Variants in RRP1B observed in about 807,000 individuals in gnomAD.
RRP1B encodes ribosomal RNA processing 1B, also known as ribosomal RNA processing protein 1 homolog B.
Under a neutral mutation model 80.2 loss-of-function variants are expected in RRP1B, and 56 were observed. The ratio of observed to expected loss-of-function variants is 0.70; its 90% CI spans 0.56 to 0.87. The LOEUF is 0.87. RRP1B is among the 40% of genes least tolerant of loss of function. The pLI is 0.00. For synonymous variants in RRP1B, 351 were observed against 357.6 expected, an observed-to-expected ratio of 0.98 and a Z score of 0.21; for missense variants, 807 against 939.8, an observed-to-expected ratio of 0.86 and a Z score of 1.85.
At chr21:43,668,659 G>A (rs1030807917) in intron 1 of RRP1B, among the ~76,000 whole-genome samples, 2 of 152,050 alleles carry the variant, frequency 1.3e-5, no homozygotes, top group Non-Finnish European at 2.9e-5. Flanking sequence ...ATGAGCCACC[G>A]CGTCTGGCCC....
Position 43,686,741 on chromosome 21 carries a change from A to G in RRP1B, c.1010-63A>G, listed in dbSNP as rs2083064592. 3.1e-6 allele frequency: 5 copies of G among 1,595,370 alleles called. No homozygotes were observed. The Admixed American group carries it at 6.9e-5, about 22-fold the overall frequency. ...AGAAATTGGGAGGGGTGCTGCTCTT[A>G]GGCCCCTGGGGCAGAGTCTTGAGCG... On this transcript the variant is annotated intron_variant, in intron 11 of 15. Coordinates refer to ENST00000340648, the MANE Select transcript of RRP1B (RefSeq NM_015056.3).
In RRP1B at chr21:43,693,497, C is replaced by A; in HGVS notation, c.*114C>A. The A allele has an allele frequency of 8.8e-7, 1 of 1,136,508 alleles. No individual in the cohort carries two copies. Among genetic ancestry groups the A allele is most frequent in the Non-Finnish European group, 1.2e-6 (1 of 839,662 alleles). The allele number at this position is 1,136,508 out of a possible 1,614,324, so 70.4% of individuals were successfully genotyped here. On this transcript the variant is annotated 3_prime_UTR_variant, in exon 16 of 16. Coordinates refer to ENST00000340648, the MANE Select transcript of RRP1B (RefSeq NM_015056.3). The surrounding 1 kb of genome is among the most constrained non-coding windows in gnomAD (Gnocchi z 4.1). ...TTTGTAAGTTCCCATAAGTTGTGTG[C>A]ACGAGGTTCTGAGAGTGCCCGCAGG... is the stretch of plus-strand genomic sequence containing the variant.
chr21:43,683,333 A>G lies in RRP1B; in HGVS notation c.851A>G (p.Asp284Gly). 1 of 1,614,184 alleles carries G rather than the reference A, an allele frequency of 6.2e-7. No homozygotes were observed. Among genetic ancestry groups the G allele is most frequent in the Non-Finnish European group, 8.5e-7 (1 of 1,180,016 alleles). ...GGACTCAGTGATGAAAGAGGAAGAG[A>G]TGACTGTGGAACCTTTGAGGACACA... Reference protein sequence around the residue: ...KDGLSDERGRDDCGTFEDTGP... With the variant: ...KDGLSDERGRGDCGTFEDTGP... Residue 284 changes from aspartate to glycine, a missense_variant, in exon 9 of 16, where the codon GAT becomes GGT. Transcript: ENST00000340648.
In RRP1B at chr21:43,687,949, G is replaced by A. The variant is rs1041125072; in HGVS notation, c.1575G>A (p.Arg525=). The A allele has an allele frequency of 6.2e-7, 1 of 1,613,258 alleles. No individual in the cohort carries two copies. The highest frequency in any genetic ancestry group is 8.5e-7 in the Non-Finnish European group (1 of 1,180,048). ...TGGAQLLKRK[R]KLGVVPVNGS... is the part of the protein sequence containing the mutation. Reference sequence around the variant, plus strand: ...GAGCCCAACTCCTAAAAAGGAAGCGGAAACTTGGAGTTGTGCCCGTCAATG... The same window carrying A: ...GAGCCCAACTCCTAAAAAGGAAGCGAAAACTTGGAGTTGTGCCCGTCAATG... Residue 525 remains arginine, a synonymous_variant, in exon 13 of 16, where the codon CGG becomes CGA. Coordinates refer to ENST00000340648, the MANE Select transcript of RRP1B (RefSeq NM_015056.3).
In RRP1B at chr21:43,659,740, C is replaced by G. The variant is rs1453181296; in HGVS notation, c.76C>G (p.Arg26Gly). The G allele has an allele frequency of 2.6e-6, 4 of 1,531,282 alleles. No individual in the cohort carries two copies. The highest frequency in any genetic ancestry group is 3.5e-6 in the Non-Finnish European group (4 of 1,137,590). 94.9% of individuals were successfully genotyped at this position (1,531,282 alleles called of 1,614,324 possible). ...GTCCAGCGAGAAGGGCATCCGGGAC[C>G]GAGCGGTGAAGAAGCTGCGCCAGTA... is the stretch of plus-strand genomic sequence containing the variant. The part of the protein sequence containing the change: ...LASSEKGIRD[R>G]AVKKLRQYIS... The change falls in exon 1 of 16, where the codon CGA becomes GGA. Residue 26 changes from arginine to glycine, a missense_variant. Arg to Gly is a moderately radical substitution (Grantham distance 125). Transcript: ENST00000340648. The surrounding 1 kb of genome is among the most constrained non-coding windows in gnomAD (Gnocchi z 4.2).
chr21:43,690,561 A>C, intron 14 of RRP1B, 121 bp downstream of exon 14: 1 of 1,103,544 alleles, frequency 9.1e-7, no homozygotes. Context: ...GCCTGTCCAC[A>C]GTGGACAGGT....
intron 11 of RRP1B, 61 bp downstream of exon 11, chr21:43,685,850 G>T: frequency 6.5e-7 from 1 of 1,549,562 alleles, no homozygotes; most frequent in African/African-American, 1.4e-5. Flanking sequence ...CCCACTGGGG[G>T]CGTTGATGCC....
At position 43,670,019 on chromosome 21, in the gene RRP1B, G is replaced by C. The variant is rs552482830; in HGVS notation, c.213+53G>C. 219 of 1,335,430 alleles carry C rather than the reference G, an allele frequency of 1.6e-4. 4 individuals carry two copies. In the South Asian group the frequency reaches 2.5e-3, roughly 15 times the overall value. 82.7% of individuals were successfully genotyped at this position (1,335,430 alleles called of 1,614,324 possible). Reference sequence around the variant, plus strand: ...CCGGGTTCTTGCTGTGGATGGATAAGAGACTTGATCACTCATGCTGTGCCA... The same window carrying C: ...CCGGGTTCTTGCTGTGGATGGATAACAGACTTGATCACTCATGCTGTGCCA... On this transcript the variant is annotated intron_variant, in intron 2 of 15. Transcript: ENST00000340648.
At chr21:43,665,224 A>G (rs2082973905) in intron 1 of RRP1B, among the ~76,000 whole-genome samples, 1 of 152,256 alleles carries the variant, frequency 6.6e-6, no homozygotes, top group African/African-American at 2.4e-5. Context: ...GGAAATAAAT[A>G]TGCTGTTTTT....
Position 43,693,139 on chromosome 21 carries a change from G to GT in RRP1B, c.2084-51_2084-50insT. The GT allele has an allele frequency of 6.3e-7, 1 of 1,589,700 alleles. No individual in the cohort carries two copies. Among genetic ancestry groups the GT allele is most frequent in the South Asian group, 1.1e-5 (1 of 89,746 alleles). ...CAGGACGCTGTCTAAGGTGTTGAAG[G>GT]GACAGCTGTCGGACCCACTTAATAT... On this transcript the variant is annotated intron_variant, in intron 15 of 15. Transcript: ENST00000340648. The surrounding 1 kb of genome is among the most constrained non-coding windows in gnomAD (Gnocchi z 4.1).
At position 43,693,709 on chromosome 21, in the gene RRP1B, A is replaced by G. The variant is rs1040043327; in HGVS notation, c.*326A>G. 1.2e-5 allele frequency: 3 copies of G among 256,156 alleles called. No individual in the cohort carries two copies. Among genetic ancestry groups the G allele is most frequent in the Admixed American group, 1.1e-4 (2 of 17,554 alleles). 15.9% of individuals were successfully genotyped at this position (256,156 alleles called of 1,614,324 possible). ...GCACGTTGATCTGAACTTTAAATCA[A>G]TCAGTGCTGCTGGCACAATGAAAGG... On this transcript the variant is annotated 3_prime_UTR_variant, in exon 16 of 16. Coordinates refer to ENST00000340648, the MANE Select transcript of RRP1B (RefSeq NM_015056.3). The surrounding 1 kb of genome is among the most constrained non-coding windows in gnomAD (Gnocchi z 4.1).
rs1326211385 is a variant in RRP1B, at chr21:43,659,646, G to C, written c.-19G>C. 2.7e-6 allele frequency: 4 copies of C among 1,488,882 alleles called. No individual in the cohort carries two copies. The highest frequency in any genetic ancestry group is 1.8e-6 in the Non-Finnish European group (2 of 1,118,620). 92.2% of individuals were successfully genotyped at this position (1,488,882 alleles called of 1,614,324 possible). On this transcript the variant is annotated 5_prime_UTR_variant, in exon 1 of 16. Coordinates refer to ENST00000340648, the MANE Select transcript of RRP1B (RefSeq NM_015056.3). This position sits in a 1 kb window ranked among gnomAD's most constrained non-coding sequence, Gnocchi z 4.2. ...GCGGCACCGCGGGTTGCGCGGCCGG[G>C]GATGCTCCAGCGGGCGCGATGGCCC...
chr21:43,668,225 A>G (rs1415288960), intron 1 of RRP1B, among the ~76,000 whole-genome samples: 1 of 151,806 alleles, frequency 6.6e-6, no homozygotes, highest in Non-Finnish European at 1.5e-5. Context: ...AAAAAAAAGA[A>G]TCAAAATGTA....
At chr21:43,673,634 CAAAA>C (rs557525643) in intron 3 of RRP1B, among the ~76,000 whole-genome samples, 2 of 66,068 alleles carry the variant, frequency 3.0e-5, no homozygotes, top group Non-Finnish European at 7.7e-5. Context: ...ACCCCGTCTC[CAAAA>C]AAAAAAAAAA....
In RRP1B at chr21:43,676,762, G is replaced by A. The variant is rs751437871; in HGVS notation, c.644G>A (p.Gly215Asp). ...DHTLVQTIAR[G>D]VFEAIVDQSP... Reference sequence around the variant, plus strand: ...ACCCTGGTACAGACCATAGCTCGGGGTGTCTTCGAAGCTATCGTAGATCAG... The same window carrying A: ...ACCCTGGTACAGACCATAGCTCGGGATGTCTTCGAAGCTATCGTAGATCAG... The change falls in exon 8 of 16, where the codon GGT (glycine) becomes GAT (aspartate). Residue 215 changes from glycine to aspartate, a missense_variant. Gly to Asp is a moderately conservative substitution (Grantham distance 94). Transcript: ENST00000340648. 17 of 1,614,098 alleles carry A rather than the reference G, an allele frequency of 1.1e-5. No homozygotes were observed. The highest frequency in any genetic ancestry group is 1.4e-5 in the Non-Finnish European group (16 of 1,180,048).
Position 43,659,828 on chromosome 21 carries a change from G to A in RRP1B, c.130+34G>A, listed in dbSNP as rs1449738055. On this transcript the variant is annotated intron_variant, in intron 1 of 15. Coordinates refer to ENST00000340648, the MANE Select transcript of RRP1B (RefSeq NM_015056.3). This position sits in a 1 kb window ranked among gnomAD's most constrained non-coding sequence, Gnocchi z 4.2. ...ACGGCCGCGGTCAGCCGCGCCACAT[G>A]GCGGGCCGGGGGCCGGGGCTGGGGC... The A allele has an allele frequency of 6.7e-7, 1 of 1,485,942 alleles. No homozygotes were observed. 92.0% of individuals were successfully genotyped at this position (1,485,942 alleles called of 1,614,324 possible). A position where few individuals can be genotyped will look rare whatever the true frequency, so the allele number is the denominator to read the frequency against.
chr21:43,691,730 C>T lies in RRP1B; in HGVS notation c.2083+228C>T, dbSNP rs921958962. 2.6e-5 allele frequency among the ~76,000 whole-genome samples: 4 copies of T among 152,034 alleles called. No homozygotes were observed. In the East Asian group the frequency reaches 5.8e-4, roughly 22 times the overall value. On this transcript the variant is annotated intron_variant, in intron 15 of 15. Transcript: ENST00000340648. The surrounding 1 kb of genome is among the most constrained non-coding windows in gnomAD (Gnocchi z 4.2). ...CTTGGCTCACTGCAACCTCCGCCCC[C>T]CCAGGTTCAAGCGATTCTCCTGCCT... is the stretch of plus-strand genomic sequence containing the variant.
chr21:43,682,898 G>A (rs758426763), intron 8 of RRP1B, among the ~76,000 whole-genome samples: 2 of 151,768 alleles, frequency 1.3e-5, no homozygotes, highest in African/African-American at 2.4e-5. Flanking sequence ...TTTTTGAGAC[G>A]GAGTCTCGTT....
intron 8 of RRP1B, among the ~76,000 whole-genome samples, chr21:43,680,537 C>A (rs1184954702): frequency 6.6e-6 from 1 of 151,776 alleles, no homozygotes; most frequent in African/African-American, 2.4e-5. Context: ...GCACTCCAGC[C>A]TGGGCGACAG....
Sources: gnomAD v4.1 joint callset for allele counts (sites outside exome capture counted in the v4.1 genomes callset) on GRCh38, gnomAD v4.1.1 for gene constraint, Gnocchi (gnomAD v3.1) non-coding constraint, MANE v1.5 for transcripts, NCBI Gene and HGNC (gene_info 2026-07-23, HGNC 2026-07-21) for gene names.